The following SWI5 variants were observed in gnomAD, a reference collection of about 807,000 sequenced individuals.
SWI5 encodes SWI5 homologous recombination repair protein.
SWI5 carries 12 observed loss-of-function variants against 17.0 expected under a neutral mutation model. The observed-to-expected ratio is 0.71, with a 90% CI of 0.45 to 1.14. SWI5 has a LOEUF of 1.14. SWI5 is among the 50% of genes most tolerant of loss of function. SWI5 has a pLI of 0.00. For missense variants in SWI5, 158 were observed against 162.2 expected (o/e 0.97, Z 0.14); for synonymous variants, 61 against 64.0 (o/e 0.95, Z 0.22).
upstream of SWI5, among the ~76,000 whole-genome samples, chr9:128,275,719 G>C (rs1181491194): frequency 6.6e-6 from 1 of 152,150 alleles, no homozygotes; most frequent in Non-Finnish European, 1.5e-5. Flanking sequence ...GAGGGCGGGG[G>C]CTGGGCGGCT....
chr9:128,281,014 CAGAT>C (rs1292831995), intron 2 of SWI5, among the ~76,000 whole-genome samples: 1 of 132,124 alleles, frequency 7.6e-6, no homozygotes, highest in Admixed American at 8.0e-5. Context: ...GTGTTCAATA[CAGAT>C]TCAACCATGC....
At chr9:128,276,955 T>G (rs1478719874) in intron 2 of SWI5, among the ~76,000 whole-genome samples, 200 bp downstream of exon 2, 6 of 152,114 alleles carry the variant, frequency 3.9e-5, no homozygotes, top group African/African-American at 1.4e-4. Flanking sequence ...AAAGAAGTGT[T>G]ATCCTGTCCT....
chr9:128,287,557 C>CT (rs754816266), intron 4 of SWI5, among the ~76,000 whole-genome samples: 4,676 of 123,010 alleles, frequency 0.038, 446 homozygotes, highest in African/African-American at 0.13. Flanking sequence ...TGGCCTATCC[C>CT]TTTTTTTTTT....
intron 2 of SWI5, among the ~76,000 whole-genome samples, chr9:128,283,422 G>C (rs576118453): frequency 1.3e-5 from 2 of 152,196 alleles, no homozygotes; most frequent in Non-Finnish European, 2.9e-5. Context: ...ACTTGAACCC[G>C]GGAGGCGGAG....
exon 5 of SWI5, chr9:128,288,773 A>G: frequency 6.3e-7 from 1 of 1,588,268 alleles, no homozygotes; most frequent in Non-Finnish European, 8.6e-7. Flanking sequence ...TGGACATGAT[A>G]AACACTGAGA....
Position 128,277,047 on chromosome 9 carries a change from TCTC to T in SWI5, c.111+299_111+301del, listed in dbSNP as rs1831416512. Among the ~76,000 whole-genome samples, 3 of 151,678 alleles carry T rather than the reference TCTC, an allele frequency of 2.0e-5. No individual in the cohort carries two copies. The East Asian group carries it at 5.8e-4, about 29-fold the overall frequency. On this transcript the variant is annotated intron_variant, in intron 2 of 4. Transcript: ENST00000418976. ...TCACTCCAGTCCAGCACCAGCCATCTCTCCTCCTCGCTCTTTTCACCCCTCACC... is the reference window on the plus strand; with the variant it reads ...TCACTCCAGTCCAGCACCAGCCATCTCTCCTCGCTCTTTTCACCCCTCACC...
exon 5 of SWI5, chr9:128,288,941 T>C: frequency 1.7e-6 from 1 of 589,434 alleles, no homozygotes; most frequent in Non-Finnish European, 3.0e-6. Context: ...GTGATACTTG[T>C]GTAGGGGTAC....
intron 4 of SWI5, 45 bp downstream of exon 4, chr9:128,286,078 G>A (rs1309578564): frequency 1.4e-6 from 2 of 1,450,170 alleles, no homozygotes; most frequent in African/African-American, 2.8e-5. Context: ...ATCATAGGGT[G>A]TCGTCTCGCC....
intron 2 of SWI5, among the ~76,000 whole-genome samples, chr9:128,281,936 C>T (rs904480609): frequency 4.6e-5 from 7 of 152,152 alleles, no homozygotes; most frequent in Non-Finnish European, 8.8e-5. Context: ...CAAAAAAATT[C>T]GCTGAGTGTG....
At chr9:128,276,489 G>A in intron 1 of SWI5, 87 bp downstream of exon 1, 1 of 1,581,140 alleles carries the variant, frequency 6.3e-7, no homozygotes. Flanking sequence ...CACCTCCAAA[G>A]ACTCCCATCC....
chr9:128,276,665 G>T (rs1202192695), intron 1 of SWI5, 42 bp from the exon 2 acceptor site: 5 of 1,613,824 alleles, frequency 3.1e-6, no homozygotes, highest in Admixed American at 1.7e-5. Flanking sequence ...CTCACAGCGG[G>T]CTGTGGGTCC....
chr9:128,284,378 G>C (rs1194036594), intron 2 of SWI5, 132 bp from the exon 3 acceptor site: 1 of 1,045,302 alleles, frequency 9.6e-7, no homozygotes, highest in Non-Finnish European at 1.3e-6. Context: ...GGAAGGCTTG[G>C]AAATGCAGTC....
chr9:128,277,713 GC>G (rs1239697821), intron 2 of SWI5, among the ~76,000 whole-genome samples: 1 of 152,210 alleles, frequency 6.6e-6, no homozygotes, highest in Non-Finnish European at 1.5e-5. Flanking sequence ...GAGATGGGGA[GC>G]CCAGGCTTGG....
At position 128,277,135 on chromosome 9, in the gene SWI5, C is replaced by G. The variant is rs182305374; in HGVS notation, c.111+380C>G. Among the ~76,000 whole-genome samples the G allele has an allele frequency of 4.6e-5, 7 of 152,160 alleles. No homozygotes were observed. In the South Asian group the frequency reaches 1.2e-3, roughly 27 times the overall value. ...GTCAGGAAAATGCTTGGCGTTCACCCTGGCCACTCCTTTCGTTGCTAATAG... is the reference window on the plus strand; with the variant it reads ...GTCAGGAAAATGCTTGGCGTTCACCGTGGCCACTCCTTTCGTTGCTAATAG... On this transcript the variant is annotated intron_variant, in intron 2 of 4. Coordinates refer to ENST00000418976, the Ensembl canonical transcript of SWI5.
In SWI5 at chr9:128,284,647, T is replaced by A; in HGVS notation, c.233+16T>A. On this transcript the variant is annotated intron_variant, in intron 3 of 4. Transcript: ENST00000418976. ...TCGTATCTGAGTAAGTTTCATTGGG[T>A]TCCCCATCATGGTTAAGATAACTTT... is the stretch of plus-strand genomic sequence containing the variant. 6.2e-7 allele frequency: 1 copy of A among 1,611,788 alleles called. No homozygotes were observed. Among genetic ancestry groups the A allele is most frequent in the Non-Finnish European group, 8.5e-7 (1 of 1,178,646 alleles).
rs147409082 is a variant in SWI5, at chr9:128,281,399, T to G, written c.112-3111T>G. 5.9e-5 allele frequency among the ~76,000 whole-genome samples: 9 copies of G among 152,214 alleles called. No homozygotes were observed. In the East Asian group the frequency reaches 1.7e-3, roughly 29 times the overall value. Reference sequence around the variant, plus strand: ...ACCCACTGATACAGAGGGCCAACTCTTTTGTCCCCTCTGTCTGCAATACTT... The same window carrying G: ...ACCCACTGATACAGAGGGCCAACTCGTTTGTCCCCTCTGTCTGCAATACTT... On this transcript the variant is annotated intron_variant, in intron 2 of 4. Transcript: ENST00000418976.
upstream of SWI5, among the ~76,000 whole-genome samples, chr9:128,275,717 G>T (rs1419588687): frequency 1.3e-5 from 2 of 152,188 alleles, no homozygotes; most frequent in Non-Finnish European, 2.9e-5. Context: ...GCGAGGGCGG[G>T]GGCTGGGCGG....
intron 4 of SWI5, among the ~76,000 whole-genome samples, chr9:128,286,846 G>A (rs936010027): frequency 6.6e-6 from 1 of 151,998 alleles, no homozygotes; most frequent in Non-Finnish European, 1.5e-5. Flanking sequence ...GTAGCCTAGT[G>A]GTTAAGAACA....
In SWI5 at chr9:128,285,530, G is replaced by C. The variant is rs1487265185; in HGVS notation, c.234-409G>C. Among the ~76,000 whole-genome samples the C allele has an allele frequency of 3.9e-5, 6 of 152,222 alleles. No homozygotes were observed. The highest frequency in any genetic ancestry group is 3.9e-4 in the Admixed American group (6 of 15,282). On this transcript the variant is annotated intron_variant, in intron 3 of 4. Coordinates refer to ENST00000418976, the Ensembl canonical transcript of SWI5. This position sits in a 1 kb window ranked among gnomAD's most constrained non-coding sequence, Gnocchi z 4.8. ...GTGGAGTTTTCAGTGTGTAGGGAAA[G>C]CTGGCTCTTGAACGCCTCCTGGAGT...
Sources: gnomAD v4.1 joint callset for allele counts (sites outside exome capture counted in the v4.1 genomes callset) on GRCh38, gnomAD v4.1.1 for gene constraint, Gnocchi (gnomAD v3.1) non-coding constraint, MANE v1.5 for transcripts, NCBI Gene and HGNC (gene_info 2026-07-23, HGNC 2026-07-21) for gene names.